The following DRD4 variants were observed in gnomAD, a reference collection of about 807,000 sequenced individuals.
DRD4 encodes dopamine receptor D4, also known as D(4) dopamine receptor.
In DRD4, 26 loss-of-function variants were observed where a neutral mutation model predicts 22.1. The ratio of observed to expected loss-of-function variants is 1.17; its 90% CI spans 0.86 to 1.63. The LOEUF (loss-of-function observed/expected upper bound fraction) is 1.63. Ranked by LOEUF, DRD4 falls within the 40% of genes most tolerant of loss-of-function variation. The probability of loss-of-function intolerance (pLI) is 0.00; values close to 1 mark genes in which losing one functional copy is unlikely to be tolerated. For missense variants in DRD4, 913 were observed against 632.4 expected, an observed-to-expected ratio of 1.44 and a Z score of -4.76; for synonymous variants, 455 against 306.7, an observed-to-expected ratio of 1.48 and a Z score of -5.05.
At chr11:638,153 G>A (rs1035459480) in intron 1 of DRD4, among the ~76,000 whole-genome samples, 1 of 152,188 alleles carries the variant, frequency 6.6e-6, no homozygotes, top group African/African-American at 2.4e-5. Flanking sequence ...GAGAACCCTG[G>A]GGGGAAGCCT....
chr11:640,243 A>G lies in DRD4; in HGVS notation c.994A>G (p.Arg332Gly). 6.5e-7 allele frequency: 1 copy of G among 1,532,490 alleles called. No homozygotes were observed. The allele number at this position is 1,532,490 out of a possible 1,614,324, so 94.9% of individuals were successfully genotyped here. The change falls in exon 3 of 4, where the codon AGG (arginine) becomes GGG (glycine). Residue 332 changes from arginine (R) to glycine (G), a missense_variant. By Grantham distance (125) the Arg-to-Gly change is moderately radical. Coordinates refer to ENST00000176183, the MANE Select transcript of DRD4 (RefSeq NM_000797.4). ...PPQTPPQTRR[R>G]RRAKITGRER... Reference sequence around the variant, plus strand: ...CCAGACTCCACCGCAGACCCGCAGGAGGCGGCGTGCCAAGATCACCGGCCG... The same window carrying G: ...CCAGACTCCACCGCAGACCCGCAGGGGGCGGCGTGCCAAGATCACCGGCCG...
chr11:639,371 G>T lies in DRD4; in HGVS notation c.286-62G>T. The T allele has an allele frequency of 2.8e-6, 4 of 1,438,958 alleles. 1 individual carries two copies. Among genetic ancestry groups the T allele is most frequent in the South Asian group, 2.4e-5 (2 of 82,726 alleles). 89.1% of individuals were successfully genotyped at this position (1,438,958 alleles called of 1,614,324 possible). On this transcript the variant is annotated intron_variant, in intron 1 of 3. Coordinates refer to ENST00000176183, the MANE Select transcript of DRD4 (RefSeq NM_000797.4). ...GCCCTGGAACTACCCATAAGAGTGG[G>T]GGCGGGTCACAAGGGCCCGCGGTGG...
intron 3 of DRD4, 32 bp downstream of exon 3, chr11:640,338 A>AG (rs1211703253): frequency 1.5e-5 from 17 of 1,160,330 alleles, no homozygotes; most frequent in Non-Finnish European, 2.0e-5. Flanking sequence ...CGGGGAGGAG[A>AG]GGAGGGGGGG....
chr11:639,057 T>A (rs919178061), intron 1 of DRD4: 6 of 273,890 alleles, frequency 2.2e-5, no homozygotes, highest in Non-Finnish European at 3.7e-5. Flanking sequence ...CACTCCAGCC[T>A]GGGCAACAAG....
At position 639,561 on chromosome 11, in the gene DRD4, C is replaced by T. The variant is rs201554946; in HGVS notation, c.398+16C>T. ...GCGTGGACAGGTGCGCCGCCCTCCC[C>T]GCCCGCGCCCCGGCGCCCCCGCGCC... On this transcript the variant is annotated intron_variant, in intron 2 of 3. Coordinates refer to ENST00000176183, the MANE Select transcript of DRD4 (RefSeq NM_000797.4). The T allele has an allele frequency of 0.01, 14,534 of 1,440,900 alleles. 97 individuals are homozygous for T. Among genetic ancestry groups the T allele is most frequent in the Non-Finnish European group, 0.012 (12,785 of 1,096,714 alleles). The allele number at this position is 1,440,900 out of a possible 1,614,324, so 89.3% of individuals were successfully genotyped here.
intron 3 of DRD4, 30 bp from the exon 4 acceptor site, chr11:640,371 G>T (rs1161572986): frequency 3.8e-6 from 6 of 1,591,000 alleles, no homozygotes; most frequent in Admixed American, 1.7e-5. Context: ...GCTGGGCGGG[G>T]GGCGCTAACG....
chr11:637,300 G>A lies in DRD4; in HGVS notation c.-5G>A. Reference sequence around the variant, plus strand: ...CGCGGTGCTCAGCGCCCGCCCGGGCGCGCCATGGGGAACCGCAGCACCGCG... The same window carrying A: ...CGCGGTGCTCAGCGCCCGCCCGGGCACGCCATGGGGAACCGCAGCACCGCG... On this transcript the variant is annotated 5_prime_UTR_variant, in exon 1 of 4. Coordinates refer to ENST00000176183, the MANE Select transcript of DRD4 (RefSeq NM_000797.4). 1 of 1,201,016 alleles carries A rather than the reference G, an allele frequency of 8.3e-7. No homozygotes were observed. The highest frequency in any genetic ancestry group is 1.0e-6 in the Non-Finnish European group (1 of 968,512). 74.4% of individuals were successfully genotyped at this position (1,201,016 alleles called of 1,614,324 possible). A position where few individuals can be genotyped will look rare whatever the true frequency, so the allele number is the denominator to read the frequency against.
Position 637,417 on chromosome 11 carries a change from T to C in DRD4, c.113T>C (p.Leu38Pro). Residue 38 changes from leucine (L) to proline (P), a missense_variant, in exon 1 of 4, where the codon CTG becomes CCG. Leu to Pro is a moderately conservative substitution (Grantham distance 98, BLOSUM62 -3). Coordinates refer to ENST00000176183, the MANE Select transcript of DRD4 (RefSeq NM_000797.4). ...CTGGCTGGGCAGGGCGCGGCGGCGC[T>C]GGTGGGGGGCGTGCTGCTCATCGGC... is the stretch of plus-strand genomic sequence containing the variant. ...AGLAGQGAAA[L>P]VGGVLLIGAV... 6.6e-7 allele frequency: 1 copy of C among 1,509,334 alleles called. No homozygotes were observed. Among genetic ancestry groups the C allele is most frequent in the Non-Finnish European group, 8.8e-7 (1 of 1,135,244 alleles). 93.5% of individuals were successfully genotyped at this position (1,509,334 alleles called of 1,614,324 possible).
At position 639,807 on chromosome 11, in the gene DRD4, C is replaced by T. The variant is rs374753202; in HGVS notation, c.558C>T (p.Arg186=). 15 of 1,582,370 alleles carry T rather than the reference C, an allele frequency of 9.5e-6. No homozygotes were observed. The highest frequency in any genetic ancestry group is 4.5e-5 in the South Asian group (4 of 89,400). ...GCGGCCGCGACCCCGCCGTGTGCCGCCTGGAGGACCGCGACTACGTGGTCT... is the reference window on the plus strand; with the variant it reads ...GCGGCCGCGACCCCGCCGTGTGCCGTCTGGAGGACCGCGACTACGTGGTCT... The part of the protein sequence containing the change: ...DVRGRDPAVC[R]LEDRDYVVYS... Residue 186 remains arginine (R), a synonymous_variant, in exon 3 of 4, where the codon CGC becomes CGT. Coordinates refer to ENST00000176183, the MANE Select transcript of DRD4 (RefSeq NM_000797.4).
In DRD4 at chr11:639,683, G is replaced by C; in HGVS notation, c.434G>C (p.Arg145Pro). ...VAVAVPLRYN[R>P]QGGSRRQLLL... ...GTGGCCGTGCCGCTGCGCTACAACCGGCAGGGTGGGAGCCGCCGGCAGCTG... is the reference window on the plus strand; with the variant it reads ...GTGGCCGTGCCGCTGCGCTACAACCCGCAGGGTGGGAGCCGCCGGCAGCTG... The change falls in exon 3 of 4, where the codon CGG (arginine) becomes CCG (proline). Residue 145 changes from arginine to proline, a missense_variant. Arg to Pro is a moderately radical substitution (Grantham distance 103). Coordinates refer to ENST00000176183, the MANE Select transcript of DRD4 (RefSeq NM_000797.4). The C allele has an allele frequency of 1.4e-6, 2 of 1,473,500 alleles. No homozygotes were observed. Among genetic ancestry groups the C allele is most frequent in the Non-Finnish European group, 1.8e-6 (2 of 1,117,554 alleles). The allele number at this position is 1,473,500 out of a possible 1,614,324, so 91.3% of individuals were successfully genotyped here.
intron 3 of DRD4, 34 bp from the exon 4 acceptor site, chr11:640,367 C>CG (rs761666406): frequency 5.4e-5 from 85 of 1,582,040 alleles, no homozygotes; most frequent in East Asian, 1.1e-4. Flanking sequence ...GCCGGCTGGG[C>CG]GGGGGGCGCT....
Position 640,705 on chromosome 11 carries a change from A to C in DRD4, c.*102A>C. ...CGTTAATTAAACAAATTCCTTCCCAAACTCAGCTGTGAAGGCTCCTGGGGG... is the reference window on the plus strand; with the variant it reads ...CGTTAATTAAACAAATTCCTTCCCACACTCAGCTGTGAAGGCTCCTGGGGG... On this transcript the variant is annotated 3_prime_UTR_variant, in exon 4 of 4. Coordinates refer to ENST00000176183, the MANE Select transcript of DRD4 (RefSeq NM_000797.4). 1.4e-6 allele frequency: 2 copies of C among 1,401,086 alleles called. No individual in the cohort carries two copies. Among genetic ancestry groups the C allele is most frequent in the Non-Finnish European group, 9.8e-7 (1 of 1,020,582 alleles). 86.8% of individuals were successfully genotyped at this position (1,401,086 alleles called of 1,614,324 possible). A position where few individuals can be genotyped will look rare whatever the true frequency, so the allele number is the denominator to read the frequency against.
chr11:639,928 C>A lies in DRD4; in HGVS notation c.679C>A (p.Arg227Ser). ...CCTGCAGCGCTGGGAGGTGGCACGT[C>A]GCGCCAAGCTGCACGGCCGCGCGCC... is the stretch of plus-strand genomic sequence containing the variant. ...RGLQRWEVARRAKLHGRAPRR... is the reference protein window; with the variant it reads ...RGLQRWEVARSAKLHGRAPRR... The change falls in exon 3 of 4, where the codon CGC (arginine) becomes AGC (serine). Residue 227 changes from arginine (R) to serine (S), a missense_variant. Arg to Ser is a moderately radical substitution (Grantham distance 110). Coordinates refer to ENST00000176183, the MANE Select transcript of DRD4 (RefSeq NM_000797.4). 6.5e-7 allele frequency: 1 copy of A among 1,545,342 alleles called. No homozygotes were observed. Among genetic ancestry groups the A allele is most frequent in the Non-Finnish European group, 8.7e-7 (1 of 1,154,282 alleles).
At chr11:639,232 G>C in intron 1 of DRD4, 1 of 586,824 alleles carries the variant, frequency 1.7e-6, no homozygotes, top group Non-Finnish European at 3.1e-6. Context: ...TCCAGCCGCG[G>C]TGACACAGCG....
chr11:637,376 G>A lies in DRD4; in HGVS notation c.72G>A (p.Ala24=), dbSNP rs1412049604. 13 of 1,362,534 alleles carry A rather than the reference G, an allele frequency of 9.5e-6. No individual in the cohort carries two copies. The highest frequency in any genetic ancestry group is 1.5e-5 in the African/African-American group (1 of 65,548). The allele number at this position is 1,362,534 out of a possible 1,614,324, so 84.4% of individuals were successfully genotyped here. ...AGRGPAAGAS[A]GASAGLAGQG... is the part of the protein sequence containing the mutation. ...GCGGGCCGGCCGCGGGGGCATCTGC[G>A]GGGGCATCTGCGGGGCTGGCTGGGC... Residue 24 remains alanine, a synonymous_variant, in exon 1 of 4, where the codon GCG becomes GCA. Transcript: ENST00000176183.
chr11:640,668 G>A lies in DRD4; in HGVS notation c.*65G>A. 2 of 1,572,354 alleles carry A rather than the reference G, an allele frequency of 1.3e-6. No homozygotes were observed. The highest frequency in any genetic ancestry group is 1.7e-6 in the Non-Finnish European group (2 of 1,157,804). The stretch of plus-strand genomic sequence containing the variant: ...CCTCAGGGACCAAGGAGATGGGGAG[G>A]GCGCTTTTGTACGTTAATTAAACAA... On this transcript the variant is annotated 3_prime_UTR_variant, in exon 4 of 4. Coordinates refer to ENST00000176183, the MANE Select transcript of DRD4 (RefSeq NM_000797.4).
In DRD4 at chr11:639,675, C is replaced by G. The variant is rs1252339281; in HGVS notation, c.426C>G (p.Arg142=). 2 of 1,470,822 alleles carry G rather than the reference C, an allele frequency of 1.4e-6. No individual in the cohort carries two copies. Among genetic ancestry groups the G allele is most frequent in the African/African-American group, 1.5e-5 (1 of 68,064 alleles). 91.1% of individuals were successfully genotyped at this position (1,470,822 alleles called of 1,614,324 possible). A position where few individuals can be genotyped will look rare whatever the true frequency, so the allele number is the denominator to read the frequency against. Residue 142 remains arginine (R), a synonymous_variant, in exon 3 of 4, where the codon CGC becomes CGG. Coordinates refer to ENST00000176183, the MANE Select transcript of DRD4 (RefSeq NM_000797.4). ...DRFVAVAVPL[R]YNRQGGSRRQ... ...TCGTGGCCGTGGCCGTGCCGCTGCG[C>G]TACAACCGGCAGGGTGGGAGCCGCC...
In DRD4 at chr11:640,576, C is replaced by A. The variant is rs370568420; in HGVS notation, c.1233C>A (p.Phe411Leu). The A allele has an allele frequency of 6.3e-7, 1 of 1,599,976 alleles. No homozygotes were observed. The highest frequency in any genetic ancestry group is 8.5e-7 in the Non-Finnish European group (1 of 1,179,856). Residue 411 changes from phenylalanine (F) to leucine (L), a missense_variant, in exon 4 of 4, where the codon TTC becomes TTA. Coordinates refer to ENST00000176183, the MANE Select transcript of DRD4 (RefSeq NM_000797.4). Reference protein sequence around the residue: ...TVFNAEFRNVFRKALRACC With the variant: ...TVFNAEFRNVLRKALRACC The stretch of plus-strand genomic sequence containing the variant: ...TCAACGCCGAGTTCCGCAACGTCTT[C>A]CGCAAGGCCCTGCGTGCCTGCTGCT...
rs1379192477 is a variant in DRD4, at chr11:640,547, G to A, written c.1204G>A (p.Val402Ile). 9 of 1,600,322 alleles carry A rather than the reference G, an allele frequency of 5.6e-6. No individual in the cohort carries two copies. The South Asian group carries it at 8.8e-5, about 16-fold the overall frequency. The change falls in exon 4 of 4, where the codon GTC becomes ATC. Residue 402 changes from valine (V) to isoleucine (I), a missense_variant. Val to Ile is a conservative substitution (Grantham distance 29). Coordinates refer to ENST00000176183, the MANE Select transcript of DRD4 (RefSeq NM_000797.4). ...NSALNPVIYTVFNAEFRNVFR... is the reference protein window; with the variant it reads ...NSALNPVIYTIFNAEFRNVFR... ...CGCCCTCAACCCCGTCATCTACACT[G>A]TCTTCAACGCCGAGTTCCGCAACGT... is the stretch of plus-strand genomic sequence containing the variant.
Sources: allele counts gnomAD v4.1 joint callset (sites outside exome capture counted in the v4.1 genomes callset), GRCh38; gene constraint gnomAD v4.1.1; transcripts MANE v1.5; gene names NCBI Gene and HGNC (gene_info 2026-07-23, HGNC 2026-07-21).